LYL1: variants seen among roughly 807,000 people sequenced by gnomAD.
The protein encoded by LYL1 is LYL1 basic helix-loop-helix family member.
Under a neutral mutation model 11.1 loss-of-function variants are expected in LYL1, and 4 were observed. That is an observed-to-expected ratio of 0.36 (90% CI 0.18 to 0.82). LYL1 has a LOEUF of 0.82. Ranked by LOEUF, LYL1 falls within the 40% of genes least tolerant of loss-of-function variation. The pLI is 0.49. For synonymous variants in LYL1, 179 were observed against 174.8 expected (o/e 1.02, Z -0.19); for missense variants, 356 against 397.6 (o/e 0.90, Z 0.89).
Position 13,099,409 on chromosome 19 carries a change from G to A in LYL1, c.753C>T (p.Pro251=), listed in dbSNP as rs1028675965. The A allele has an allele frequency of 4.8e-6, 6 of 1,242,784 alleles. No individual in the cohort carries two copies. In the African/African-American group the frequency reaches 7.8e-5, roughly 16 times the overall value. The allele number at this position is 1,242,784 out of a possible 1,614,324, so 77.0% of individuals were successfully genotyped here. A position where few individuals can be genotyped will look rare whatever the true frequency, so the allele number is the denominator to read the frequency against. ...TGCCGTCGGGGTCGGCCGGGGGCGCGGGCTGCGAGCGCGCTGCCGCCTCGG... is the reference window on the plus strand; with the variant it reads ...TGCCGTCGGGGTCGGCCGGGGGCGCAGGCTGCGAGCGCGCTGCCGCCTCGG... ...RRAEAAARSQ[P]APPADPDGSP... is the part of the protein sequence containing the mutation. The change falls in exon 4 of 4, where the codon CCC becomes CCT. Residue 251 remains proline, a synonymous_variant. Transcript: ENST00000264824. The surrounding 1 kb of genome is among the most constrained non-coding windows in gnomAD (Gnocchi z 5.3).
Position 13,099,674 on chromosome 19 carries a change from TGCCGCCAGCGCTCCC to T in LYL1, c.473_487del (p.Arg158_Arg162del). ...GGCGAAGGCGCCGTTAACGTTCTGC[TGCCGCCAGCGCTCCC>T]GGCTGTTGGTGAACACGCGCCGGGC... On this transcript the variant is annotated inframe_deletion, in exon 4 of 4. Coordinates refer to ENST00000264824, the MANE Select transcript of LYL1 (RefSeq NM_005583.5). This position sits in a 1 kb window ranked among gnomAD's most constrained non-coding sequence, Gnocchi z 5.3. 6.5e-7 allele frequency: 1 copy of T among 1,547,894 alleles called. No individual in the cohort carries two copies. Among genetic ancestry groups the T allele is most frequent in the Non-Finnish European group, 8.7e-7 (1 of 1,146,364 alleles).
chr19:13,099,781 C>G lies in LYL1; in HGVS notation c.428-47G>C. The G allele has an allele frequency of 7.4e-7, 1 of 1,352,690 alleles. No individual in the cohort carries two copies. Among genetic ancestry groups the G allele is most frequent in the Non-Finnish European group, 9.6e-7 (1 of 1,040,188 alleles). 83.8% of individuals were successfully genotyped at this position (1,352,690 alleles called of 1,614,324 possible). A position where few individuals can be genotyped will look rare whatever the true frequency, so the allele number is the denominator to read the frequency against. ...TTGGTGCCATGGCCCAAAGGGCGGC[C>G]CCTCCTGCCCTCCCGCTAGACACGC... On this transcript the variant is annotated intron_variant, in intron 3 of 3. Coordinates refer to ENST00000264824, the MANE Select transcript of LYL1 (RefSeq NM_005583.5). The surrounding 1 kb of genome is among the most constrained non-coding windows in gnomAD (Gnocchi z 5.3).
In LYL1 at chr19:13,101,891, C is replaced by T. The variant is rs1438612602; in HGVS notation, c.-25+640G>A. ...CCTAGACCCCCAAACACTGACCCCACTGCCCAGTCCAGTCCAGTCATGCCC... is the reference window on the plus strand; with the variant it reads ...CCTAGACCCCCAAACACTGACCCCATTGCCCAGTCCAGTCCAGTCATGCCC... On this transcript the variant is annotated intron_variant, in intron 1 of 3. Transcript: ENST00000264824. The surrounding 1 kb of genome is among the most constrained non-coding windows in gnomAD (Gnocchi z 5.1). 8.6e-6 allele frequency: 2 copies of T among 233,072 alleles called. No homozygotes were observed. The highest frequency in any genetic ancestry group is 1.7e-5 in the Non-Finnish European group (2 of 117,904). 14.4% of individuals were successfully genotyped at this position (233,072 alleles called of 1,614,324 possible).
rs1358061168 is a variant in LYL1 at position 13,099,831 on chromosome 19, C to T, written c.428-97G>A. On this transcript the variant is annotated intron_variant, in intron 3 of 3. Coordinates refer to ENST00000264824, the MANE Select transcript of LYL1 (RefSeq NM_005583.5). This position sits in a 1 kb window ranked among gnomAD's most constrained non-coding sequence, Gnocchi z 5.3. ...CAGCACCCTCGTGGGAACTTAAACC[C>T]AGGCCATGGGCTGGGGCTTTCTCCA... 3.5e-6 allele frequency: 4 copies of T among 1,156,658 alleles called. No individual in the cohort carries two copies. The highest frequency in any genetic ancestry group is 3.2e-5 in the African/African-American group (2 of 62,094). The allele number at this position is 1,156,658 out of a possible 1,614,324, so 71.6% of individuals were successfully genotyped here.
In LYL1 at chr19:13,099,845, G is replaced by T; in HGVS notation, c.428-111C>A. The T allele has an allele frequency of 3.0e-6, 3 of 1,011,714 alleles. No individual in the cohort carries two copies. Among genetic ancestry groups the T allele is most frequent in the Non-Finnish European group, 2.7e-6 (2 of 740,234 alleles). 62.7% of individuals were successfully genotyped at this position (1,011,714 alleles called of 1,614,324 possible). On this transcript the variant is annotated intron_variant, in intron 3 of 3. Coordinates refer to ENST00000264824, the MANE Select transcript of LYL1 (RefSeq NM_005583.5). This position sits in a 1 kb window ranked among gnomAD's most constrained non-coding sequence, Gnocchi z 5.3. Reference sequence around the variant, plus strand: ...GAACTTAAACCCAGGCCATGGGCTGGGGCTTTCTCCACCCAAGGGGTCCAC... The same window carrying T: ...GAACTTAAACCCAGGCCATGGGCTGTGGCTTTCTCCACCCAAGGGGTCCAC...
chr19:13,099,678 G>T lies in LYL1; in HGVS notation c.484C>A (p.Arg162=). Residue 162 remains arginine, a synonymous_variant, in exon 4 of 4, where the codon CGG becomes AGG. Transcript: ENST00000264824. The surrounding 1 kb of genome is among the most constrained non-coding windows in gnomAD (Gnocchi z 5.3). ...RVFTNSRERW[R]QQNVNGAFAE... is the part of the protein sequence containing the mutation. ...AAGGCGCCGTTAACGTTCTGCTGCC[G>T]CCAGCGCTCCCGGCTGTTGGTGAAC... The T allele has an allele frequency of 6.5e-7, 1 of 1,545,840 alleles. No homozygotes were observed. Among genetic ancestry groups the T allele is most frequent in the Non-Finnish European group, 8.7e-7 (1 of 1,145,340 alleles).
At chr19:13,100,448 G>A (rs565090641) in intron 3 of LYL1, among the ~76,000 whole-genome samples, 3 of 152,218 alleles carry the variant, frequency 2.0e-5, no homozygotes, top group South Asian at 2.1e-4. Flanking sequence ...GTTGGGTGGC[G>A]GTGGTTGTGT....
Position 13,099,473 on chromosome 19 carries a change from A to T in LYL1, c.689T>A (p.Val230Asp). The change falls in exon 4 of 4, where the codon GTC (valine) becomes GAC (aspartate). Residue 230 changes from valine to aspartate, a missense_variant. Transcript: ENST00000264824. This position sits in a 1 kb window ranked among gnomAD's most constrained non-coding sequence, Gnocchi z 5.3. Reference protein sequence around the residue: ...PGPRKRPVHRVPDDGARRGSG... With the variant: ...PGPRKRPVHRDPDDGARRGSG... ...TCCCCGGCGGGCGCCGTCGTCTGGGACCCGGTGCACCGGCCGTTTGCGAGG... is the reference window on the plus strand; with the variant it reads ...TCCCCGGCGGGCGCCGTCGTCTGGGTCCCGGTGCACCGGCCGTTTGCGAGG... 7.8e-7 allele frequency: 1 copy of T among 1,281,176 alleles called. No homozygotes were observed. The highest frequency in any genetic ancestry group is 9.9e-7 in the Non-Finnish European group (1 of 1,005,658). 79.4% of individuals were successfully genotyped at this position (1,281,176 alleles called of 1,614,324 possible).
Position 13,102,434 on chromosome 19 carries a change from C to CA in LYL1, c.-25+96_-25+97insT, listed in dbSNP as rs2018698891. 1 of 190,046 alleles carries CA rather than the reference C, an allele frequency of 5.3e-6. No individual in the cohort carries two copies. The highest frequency in any genetic ancestry group is 1.1e-5 in the Non-Finnish European group (1 of 90,478). 11.8% of individuals were successfully genotyped at this position (190,046 alleles called of 1,614,324 possible). ...CAGGCCTGGCCCCTCACTAGTGGGT[C>CA]CCTGCTGGTGAATGAATGAATGAAG... On this transcript the variant is annotated intron_variant, in intron 1 of 3. Transcript: ENST00000264824. This position sits in a 1 kb window ranked among gnomAD's most constrained non-coding sequence, Gnocchi z 4.9.
Position 13,102,814 on chromosome 19 carries a change from C to T in LYL1, c.-308G>A, listed in dbSNP as rs974730497. The T allele has an allele frequency of 1.3e-5, 2 of 152,414 alleles. No homozygotes were observed. The highest frequency in any genetic ancestry group is 4.8e-5 in the African/African-American group (2 of 41,470). 9.4% of individuals were successfully genotyped at this position (152,414 alleles called of 1,614,324 possible). On this transcript the variant is annotated 5_prime_UTR_variant, in exon 1 of 4. Transcript: ENST00000264824. The surrounding 1 kb of genome is among the most constrained non-coding windows in gnomAD (Gnocchi z 4.9). ...CGGCCCGGTTTCCTCCCTCTCACCC[C>T]TGGCGGCGCAGCGGCCGGAGGATGC...
chr19:13,099,455 C>G lies in LYL1; in HGVS notation c.707G>C (p.Arg236Pro). Residue 236 changes from arginine (R) to proline (P), a missense_variant, in exon 4 of 4, where the codon CGC becomes CCC. Coordinates refer to ENST00000264824, the MANE Select transcript of LYL1 (RefSeq NM_005583.5). This position sits in a 1 kb window ranked among gnomAD's most constrained non-coding sequence, Gnocchi z 5.3. ...CTCGGCCCTGCGTCCGGATCCCCGG[C>G]GGGCGCCGTCGTCTGGGACCCGGTG... ...PVHRVPDDGA[R>P]RGSGRRAEAA... 1 of 1,257,682 alleles carries G rather than the reference C, an allele frequency of 8.0e-7. No individual in the cohort carries two copies. The highest frequency in any genetic ancestry group is 1.5e-5 in the African/African-American group (1 of 64,580). 77.9% of individuals were successfully genotyped at this position (1,257,682 alleles called of 1,614,324 possible).
In LYL1 at chr19:13,102,786, C is replaced by CT. The variant is rs1470060219; in HGVS notation, c.-281_-280insA. The CT allele has an allele frequency of 1.3e-5, 2 of 152,848 alleles. No homozygotes were observed. Among genetic ancestry groups the CT allele is most frequent in the East Asian group, 3.8e-4 (2 of 5,240 alleles). The allele number at this position is 152,848 out of a possible 1,614,324, so 9.5% of individuals were successfully genotyped here. On this transcript the variant is annotated 5_prime_UTR_variant, in exon 1 of 4. Coordinates refer to ENST00000264824, the MANE Select transcript of LYL1 (RefSeq NM_005583.5). This position sits in a 1 kb window ranked among gnomAD's most constrained non-coding sequence, Gnocchi z 4.9. ...GGCCGGCCCGCCTTCTCCCCGCCCC[C>CT]GGCGGCCCGGTTTCCTCCCTCTCAC...
intron 2 of LYL1, 22 bp downstream of exon 2, chr19:13,100,815 C>T (rs1370499754): frequency 6.3e-7 from 1 of 1,594,318 alleles, no homozygotes; most frequent in African/African-American, 1.3e-5. Flanking sequence ...CCCACTGCCC[C>T]CCACCCCAGA....
Position 13,100,915 on chromosome 19 carries a change from G to T in LYL1, c.257C>A (p.Pro86Gln). ...TCCCAGGGTGGAGAGTTGCAGCAGC[G>T]GGGGCCGCAGAGTGCCCAGCTCTGT... ...PTTELGTLRPPLLQLSTLGTA... is the reference protein window; with the variant it reads ...PTTELGTLRPQLLQLSTLGTA... Residue 86 changes from proline (P) to glutamine (Q), a missense_variant, in exon 2 of 4, where the codon CCG becomes CAG. Pro to Gln is a moderately conservative substitution (Grantham distance 76). Coordinates refer to ENST00000264824, the MANE Select transcript of LYL1 (RefSeq NM_005583.5). The T allele has an allele frequency of 6.5e-7, 1 of 1,549,144 alleles. No homozygotes were observed. Among genetic ancestry groups the T allele is most frequent in the Non-Finnish European group, 8.7e-7 (1 of 1,145,744 alleles).
In LYL1 at chr19:13,099,724, G is replaced by T. The variant is rs769100267; in HGVS notation, c.438C>A (p.Pro146=). ...TGAACACGCGCCGGGCCACCTTCTG[G>T]GGCTGGTGCCCTGTGGACAAGGAGG... The part of the protein sequence containing the change: ...CELDLAEGHQ[P]QKVARRVFTN... Residue 146 remains proline (P), a synonymous_variant, in exon 4 of 4, where the codon CCC becomes CCA. Coordinates refer to ENST00000264824, the MANE Select transcript of LYL1 (RefSeq NM_005583.5). The surrounding 1 kb of genome is among the most constrained non-coding windows in gnomAD (Gnocchi z 5.3). The T allele has an allele frequency of 1.3e-6, 2 of 1,510,218 alleles. No individual in the cohort carries two copies. The highest frequency in any genetic ancestry group is 8.9e-7 in the Non-Finnish European group (1 of 1,125,396). The allele number at this position is 1,510,218 out of a possible 1,614,324, so 93.6% of individuals were successfully genotyped here. A position where few individuals can be genotyped will look rare whatever the true frequency, so the allele number is the denominator to read the frequency against.
chr19:13,100,032 CT>C (rs1417542206), intron 3 of LYL1, among the ~76,000 whole-genome samples: 2 of 152,238 alleles, frequency 1.3e-5, no homozygotes, highest in Non-Finnish European at 2.9e-5. Flanking sequence ...GTCTGGGAAG[CT>C]GTCCGTGGGG....
chr19:13,101,315 A>G lies in LYL1; in HGVS notation c.-24-120T>C, dbSNP rs1403179977. ...GGGAGGGGGAAAGGAGGAGGAGAGA[A>G]GTTTCAGTAGGCAAAGGCAGATGGC... On this transcript the variant is annotated intron_variant, in intron 1 of 3. Coordinates refer to ENST00000264824, the MANE Select transcript of LYL1 (RefSeq NM_005583.5). This position sits in a 1 kb window ranked among gnomAD's most constrained non-coding sequence, Gnocchi z 5.1. The G allele has an allele frequency of 7.3e-6, 3 of 411,918 alleles. No homozygotes were observed. The highest frequency in any genetic ancestry group is 3.7e-5 in the East Asian group (1 of 26,902). 25.5% of individuals were successfully genotyped at this position (411,918 alleles called of 1,614,324 possible). A position where few individuals can be genotyped will look rare whatever the true frequency, so the allele number is the denominator to read the frequency against.
chr19:13,099,718 C>G lies in LYL1; in HGVS notation c.444G>C (p.Lys148Asn), dbSNP rs2145561794. 1 of 1,520,094 alleles carries G rather than the reference C, an allele frequency of 6.6e-7. No individual in the cohort carries two copies. The highest frequency in any genetic ancestry group is 2.6e-5 in the East Asian group (1 of 38,772). The allele number at this position is 1,520,094 out of a possible 1,614,324, so 94.2% of individuals were successfully genotyped here. A position where few individuals can be genotyped will look rare whatever the true frequency, so the allele number is the denominator to read the frequency against. Residue 148 changes from lysine (K) to asparagine (N), a missense_variant, in exon 4 of 4, where the codon AAG becomes AAC. Lys to Asn is a moderately conservative substitution (Grantham distance 94). Transcript: ENST00000264824. This position sits in a 1 kb window ranked among gnomAD's most constrained non-coding sequence, Gnocchi z 5.3. ...TGTTGGTGAACACGCGCCGGGCCAC[C>G]TTCTGGGGCTGGTGCCCTGTGGACA... Reference protein sequence around the residue: ...LDLAEGHQPQKVARRVFTNSR... With the variant: ...LDLAEGHQPQNVARRVFTNSR...
In LYL1 at chr19:13,101,473, C is replaced by G. The variant is rs2018687598; in HGVS notation, c.-24-278G>C. On this transcript the variant is annotated intron_variant, in intron 1 of 3. Transcript: ENST00000264824. This position sits in a 1 kb window ranked among gnomAD's most constrained non-coding sequence, Gnocchi z 5.1. ...CAGGAGGGGCGCTGTTGCCCAGCCT[C>G]TGAGCAAATATTCCTTCTTCCAGAA... The G allele has an allele frequency of 2.8e-6, 1 of 360,536 alleles. No individual in the cohort carries two copies. The highest frequency in any genetic ancestry group is 2.1e-5 in the African/African-American group (1 of 47,936). The allele number at this position is 360,536 out of a possible 1,614,324, so 22.3% of individuals were successfully genotyped here.
Sources: allele counts gnomAD v4.1 joint callset (sites outside exome capture counted in the v4.1 genomes callset), GRCh38; gene constraint gnomAD v4.1.1; non-coding constraint Gnocchi (gnomAD v3.1); transcripts MANE v1.5; gene names NCBI Gene and HGNC (gene_info 2026-07-23, HGNC 2026-07-21).